ZNF184: variants seen among roughly 807,000 people sequenced by gnomAD.
The protein encoded by ZNF184 is zinc finger protein 184 (Kruppel-like).
Under a neutral mutation model 54.4 loss-of-function variants are expected in ZNF184, and 16 were observed. The observed-to-expected ratio is 0.29, with a 90% CI of 0.20 to 0.45. The LOEUF is 0.45. ZNF184 is among the 20% of genes least tolerant of loss of function. The pLI is 1.00. For synonymous variants in ZNF184, 254 were observed against 295.3 expected (o/e 0.86, Z 1.43); for missense variants, 681 against 888.2 (o/e 0.77, Z 2.97).
the ZNF184 span, among the ~76,000 whole-genome samples, chr6:27,431,733 A>G: frequency 2.6e-5 from 4 of 152,176 alleles, no homozygotes; most frequent in African/African-American, 9.7e-5. Flanking sequence ...ATAGGGAAAC[A>G]ATTTGATTCC....
chr6:27,458,117 G>A (rs1024438113), intron 3 of ZNF184, among the ~76,000 whole-genome samples: 19 of 151,522 alleles, frequency 1.3e-4, no homozygotes, highest in African/African-American at 4.4e-4. Flanking sequence ...AGATGAAATC[G>A]TAAAGAAAAA....
In ZNF184 at chr6:27,472,184, C is replaced by A; in HGVS notation, c.7+104G>T. 6.8e-7 allele frequency: 1 copy of A among 1,466,634 alleles called. No homozygotes were observed. Among genetic ancestry groups the A allele is most frequent in the Non-Finnish European group, 9.4e-7 (1 of 1,061,918 alleles). 90.9% of individuals were successfully genotyped at this position (1,466,634 alleles called of 1,614,324 possible). A position where few individuals can be genotyped will look rare whatever the true frequency, so the allele number is the denominator to read the frequency against. On this transcript the variant is annotated intron_variant, in intron 2 of 5. Coordinates refer to ENST00000683788, the MANE Select transcript of ZNF184 (RefSeq NM_001318891.2). The surrounding 1 kb of genome is among the most constrained non-coding windows in gnomAD (Gnocchi z 4.8). ...TTTGCTAATCCCTAAGCATACCGTTCCTTCCTTCCAAATCTCCTGCTCTGA... is the reference window on the plus strand; with the variant it reads ...TTTGCTAATCCCTAAGCATACCGTTACTTCCTTCCAAATCTCCTGCTCTGA...
the ZNF184 span, among the ~76,000 whole-genome samples, chr6:27,423,396 A>ACAT: frequency 4.6e-5 from 7 of 151,856 alleles, no homozygotes; most frequent in Non-Finnish European, 1.0e-4. Flanking sequence ...TTTTTTTGTT[A>ACAT]GATTTTATTC....
the ZNF184 span, chr6:27,404,867 A>C: frequency 6.6e-6 from 1 of 152,156 alleles, no homozygotes; most frequent in Non-Finnish European, 1.5e-5. Flanking sequence ...AAATACAAAA[A>C]TTAGCCAGGC....
intron 2 of ZNF184, among the ~76,000 whole-genome samples, chr6:27,468,146 A>C (rs1234489848): frequency 6.6e-6 from 1 of 152,240 alleles, no homozygotes; most frequent in Non-Finnish European, 1.5e-5. Context: ...CTAGACACTT[A>C]GAAGTCATAT....
the ZNF184 span, among the ~76,000 whole-genome samples, chr6:27,435,946 T>G: frequency 1.3e-5 from 2 of 152,176 alleles, no homozygotes; most frequent in African/African-American, 4.8e-5. Context: ...GTGTCTCTCT[T>G]AATCATTGAA....
In ZNF184 at chr6:27,452,747, A is replaced by C; in HGVS notation, c.812T>G (p.Ile271Ser). The C allele has an allele frequency of 6.2e-7, 1 of 1,613,996 alleles. No individual in the cohort carries two copies. The highest frequency in any genetic ancestry group is 8.5e-7 in the Non-Finnish European group (1 of 1,179,992). Reference protein sequence around the residue: ...RSENLINHQRIHTGDKPYKCD... With the variant: ...RSENLINHQRSHTGDKPYKCD... ...TTTATATGGTTTATCTCCAGTATGA[A>C]TTCTTTGATGGTTTATAAGGTTTTC... is the stretch of plus-strand genomic sequence containing the variant. The change falls in exon 6 of 6, where the codon ATT (isoleucine) becomes AGT (serine). Residue 271 changes from isoleucine to serine, a missense_variant. By Grantham distance (142) the Ile-to-Ser change is moderately radical (BLOSUM62 -2). Transcript: ENST00000683788. The surrounding 1 kb of genome is among the most constrained non-coding windows in gnomAD (Gnocchi z 5.5).
chr6:27,441,662 AG>A, the ZNF184 span, among the ~76,000 whole-genome samples: 2 of 152,230 alleles, frequency 1.3e-5, no homozygotes, highest in African/African-American at 4.8e-5. Flanking sequence ...AATGAGATAA[AG>A]CATGTTAAGC....
In ZNF184 at chr6:27,451,342, A is replaced by G. The variant is rs770870661; in HGVS notation, c.2217T>C (p.Ser739=). ...GCAGTCTCTGATGTTTGTTGAGAGC[A>G]GAGCGATATCTGAAGGATTTTCCAC... The part of the protein sequence containing the change: ...NDCGKSFRYR[S]ALNKHQRLHP... The change falls in exon 6 of 6, where the codon TCT becomes TCC. Residue 739 remains serine, a synonymous_variant. Coordinates refer to ENST00000683788, the MANE Select transcript of ZNF184 (RefSeq NM_001318891.2). The G allele has an allele frequency of 1.2e-6, 2 of 1,613,010 alleles. No homozygotes were observed. Among genetic ancestry groups the G allele is most frequent in the South Asian group, 2.2e-5 (2 of 90,928 alleles).
rs1762707864 is a variant in ZNF184 at position 27,451,241 on chromosome 6, A to G, written c.*62T>C. The G allele has an allele frequency of 4.6e-6, 7 of 1,509,128 alleles. No individual in the cohort carries two copies. In the African/African-American group the frequency reaches 9.8e-5, roughly 21 times the overall value. 93.5% of individuals were successfully genotyped at this position (1,509,128 alleles called of 1,614,324 possible). On this transcript the variant is annotated 3_prime_UTR_variant, in exon 6 of 6. Coordinates refer to ENST00000683788, the MANE Select transcript of ZNF184 (RefSeq NM_001318891.2). The stretch of plus-strand genomic sequence containing the variant: ...TCTAAATCCACTCTGATTCTTCAGT[A>G]CTTAACAAAAGGACAAACTAAAGTA...
the ZNF184 span, among the ~76,000 whole-genome samples, chr6:27,426,955 T>C: frequency 6.6e-6 from 1 of 152,102 alleles, no homozygotes; most frequent in Non-Finnish European, 1.5e-5. This position sits in a 1 kb window ranked among gnomAD's most constrained non-coding sequence, Gnocchi z 4.2. Flanking sequence ...GTGTTGATGG[T>C]AGGGGTAATA....
rs750510762 is a variant in ZNF184 at position 27,452,130 on chromosome 6, T to C, written c.1429A>G (p.Asn477Asp). Residue 477 changes from asparagine to aspartate, a missense_variant, in exon 6 of 6, where the codon AAT (asparagine) becomes GAT (aspartate). Physicochemically the swap from Asn to Asp is conservative, Grantham distance 23. Coordinates refer to ENST00000683788, the MANE Select transcript of ZNF184 (RefSeq NM_001318891.2). The surrounding 1 kb of genome is among the most constrained non-coding windows in gnomAD (Gnocchi z 5.5). ...IHTGEKPYKC[N>D]ECGKAFSYCS... ...TAACTGAAGGCCTTTCCACATTCAT[T>C]GCATTTGTAAGGTTTTTCTCCAGTA... 1.2e-6 allele frequency: 2 copies of C among 1,614,060 alleles called. No individual in the cohort carries two copies. Among genetic ancestry groups the C allele is most frequent in the Non-Finnish European group, 1.7e-6 (2 of 1,179,990 alleles).
the ZNF184 span, among the ~76,000 whole-genome samples, chr6:27,421,159 T>G: frequency 6.6e-6 from 1 of 152,240 alleles, no homozygotes; most frequent in East Asian, 1.9e-4. Flanking sequence ...ACTCCAGTGG[T>G]GGATACATGC....
At chr6:27,442,516 G>A in the ZNF184 span, among the ~76,000 whole-genome samples, 1 of 152,134 alleles carries the variant, frequency 6.6e-6, no homozygotes, top group Non-Finnish European at 1.5e-5. Context: ...TGCTAGTCAG[G>A]AGGCTGAGGT....
the ZNF184 span, among the ~76,000 whole-genome samples, chr6:27,423,932 C>T: frequency 6.6e-6 from 1 of 152,252 alleles, no homozygotes; most frequent in East Asian, 1.9e-4. Flanking sequence ...ATGCTTGAGT[C>T]TGCTCTTGTT....
At position 27,452,336 on chromosome 6, in the gene ZNF184, T is replaced by C. The variant is rs2113711016; in HGVS notation, c.1223A>G (p.His408Arg). Residue 408 changes from histidine to arginine, a missense_variant, in exon 6 of 6, where the codon CAT (histidine) becomes CGT (arginine). His to Arg is a conservative substitution (Grantham distance 29, BLOSUM62 0). Coordinates refer to ENST00000683788, the MANE Select transcript of ZNF184 (RefSeq NM_001318891.2). This position sits in a 1 kb window ranked among gnomAD's most constrained non-coding sequence, Gnocchi z 5.5. ...TTTTTCACCAGTATGAATCATATGA[T>C]GACGGATAAAAGTTGAGGGCCCGTT... Reference protein sequence around the residue: ...AFNGPSTFIRHHMIHTGEKPY... With the variant: ...AFNGPSTFIRRHMIHTGEKPY... 6.2e-7 allele frequency: 1 copy of C among 1,614,188 alleles called. No homozygotes were observed. Among genetic ancestry groups the C allele is most frequent in the Non-Finnish European group, 8.5e-7 (1 of 1,180,036 alleles).
At chr6:27,415,500 A>G in the ZNF184 span, among the ~76,000 whole-genome samples, 2 of 152,176 alleles carry the variant, frequency 1.3e-5, no homozygotes, top group Non-Finnish European at 2.9e-5. Context: ...AATTATTGGT[A>G]TAAGAGTTTA....
the ZNF184 span, among the ~76,000 whole-genome samples, chr6:27,436,110 T>C: frequency 6.6e-6 from 1 of 152,186 alleles, no homozygotes; most frequent in South Asian, 2.1e-4. Flanking sequence ...TTTTTATGTA[T>C]GGTTTTTATC....
Position 27,451,367 on chromosome 6 carries a change from C to T in ZNF184, c.2192G>A (p.Cys731Tyr). The T allele has an allele frequency of 6.2e-7, 1 of 1,613,976 alleles. No homozygotes were observed. The highest frequency in any genetic ancestry group is 8.5e-7 in the Non-Finnish European group (1 of 1,179,910). The change falls in exon 6 of 6, where the codon TGT becomes TAT. Residue 731 changes from cysteine (C) to tyrosine (Y), a missense_variant. Cys to Tyr is a radical substitution (Grantham distance 194, BLOSUM62 -2). Coordinates refer to ENST00000683788, the MANE Select transcript of ZNF184 (RefSeq NM_001318891.2). ...AGAGCGATATCTGAAGGATTTTCCA[C>T]AATCATTACATCCAAAAGGCTTCTC... ...SGEKPFGCND[C>Y]GKSFRYRSAL...
Sources: gnomAD v4.1 joint callset for allele counts (sites outside exome capture counted in the v4.1 genomes callset) on GRCh38, gnomAD v4.1.1 for gene constraint, Gnocchi (gnomAD v3.1) non-coding constraint, MANE v1.5 for transcripts, NCBI Gene and HGNC (gene_info 2026-07-23, HGNC 2026-07-21) for gene names.